Variants in HNF4G observed in about 807,000 individuals in gnomAD.
The protein encoded by HNF4G is hepatocyte nuclear factor 4 gamma.
Under a neutral mutation model 50.9 loss-of-function variants are expected in HNF4G, and 21 were observed. That is an observed-to-expected ratio of 0.41 (90% confidence interval 0.29 to 0.59). The LOEUF is 0.59. HNF4G is among the 20% of genes least tolerant of loss of function. The pLI, the probability that HNF4G is intolerant of heterozygous loss-of-function variation, is 0.26. For missense variants in HNF4G, 527 were observed against 559.4 expected, an observed-to-expected ratio of 0.94 and a Z score of 0.58; for synonymous variants, 198 against 185.6, an observed-to-expected ratio of 1.07 and a Z score of -0.54.
chr8:75,530,633 TAGA>T (rs1394897035), intron 2 of HNF4G, among the ~76,000 whole-genome samples: 3 of 152,224 alleles, frequency 2.0e-5, no homozygotes, highest in East Asian at 3.9e-4. Flanking sequence ...TTCAAAAATT[TAGA>T]AGGATTCAGT....
chr8:75,541,576 G>A (rs1248452688), intron 1 of HNF4G, among the ~76,000 whole-genome samples: 7 of 151,974 alleles, frequency 4.6e-5, no homozygotes, highest in Non-Finnish European at 1.0e-4. Flanking sequence ...ATATTAGTAA[G>A]TAGAATATAT....
At chr8:75,473,028 AGCCGG>A (rs1812153678) in intron 1 of HNF4G, among the ~76,000 whole-genome samples, 1 of 151,990 alleles carries the variant, frequency 6.6e-6, no homozygotes, top group Non-Finnish European at 1.5e-5. Context: ...TAAAAGTGTC[AGCCGG>A]GAGCAGTGGC....
Position 75,566,074 on chromosome 8 carries a change from C to T in HNF4G, c.*1978C>T, listed in dbSNP as rs1807454317. ...ATACTGCCTTGGTCTGTGCAGGCTG[C>T]TGTAATGAAATACTATGAACTTGGC... On this transcript the variant is annotated 3_prime_UTR_variant, in exon 10 of 10. Transcript: ENST00000396423. 6.6e-6 allele frequency: 1 copy of T among 151,966 alleles called. No individual in the cohort carries two copies. Among genetic ancestry groups the T allele is most frequent in the Non-Finnish European group, 1.5e-5 (1 of 68,000 alleles). The allele number at this position is 151,966 out of a possible 1,614,324, so 9.4% of individuals were successfully genotyped here.
intron 4 of HNF4G, 111 bp downstream of exon 4, chr8:75,551,605 T>A: frequency 3.2e-6 from 2 of 633,164 alleles, no homozygotes; most frequent in South Asian, 2.0e-5. Flanking sequence ...CTAAAATAAG[T>A]TACATCTACA....
Position 75,532,767 on chromosome 8 carries a change from A to G in HNF4G, c.-23-11044A>G, listed in dbSNP as rs553732100. Among the ~76,000 whole-genome samples the G allele has an allele frequency of 5.2e-4, 79 of 152,172 alleles. 1 individual carries two copies. The highest frequency in any genetic ancestry group is 1.9e-3 in the African/African-American group (77 of 41,564). On this transcript the variant is annotated intron_variant, in intron 2 of 10. Coordinates refer to the HNF4G transcript ENST00000354370. ...CCACTGAAATACCCATGACTAAACTACAGTGTAAATTATGACAGGCATTCA... is the reference window on the plus strand; with the variant it reads ...CCACTGAAATACCCATGACTAAACTGCAGTGTAAATTATGACAGGCATTCA...
rs146081377 is a variant in HNF4G at position 75,480,207 on chromosome 8, T to C, written c.-143-9882T>C. Among the ~76,000 whole-genome samples, 683 of 152,292 alleles carry C rather than the reference T, an allele frequency of 4.5e-3. 6 individuals are homozygous for C. The highest frequency in any genetic ancestry group is 0.016 in the African/African-American group (652 of 41,560). ...AAGTTTAATAAGATTAACTGGAAAGTACATAATATCTAAGGTAAAATTAAA... is the reference window on the plus strand; with the variant it reads ...AAGTTTAATAAGATTAACTGGAAAGCACATAATATCTAAGGTAAAATTAAA... On this transcript the variant is annotated intron_variant, in intron 1 of 10. Transcript: ENST00000354370.
chr8:75,447,594 C>CA (rs1261858668), intron 1 of HNF4G, among the ~76,000 whole-genome samples: 4 of 151,422 alleles, frequency 2.6e-5, no homozygotes, highest in Non-Finnish European at 1.5e-5. Flanking sequence ...AAGAAAAAAA[C>CA]AAACAACCCC....
chr8:75,554,393 A>G (rs954653190), intron 5 of HNF4G, among the ~76,000 whole-genome samples: 1 of 152,190 alleles, frequency 6.6e-6, no homozygotes, highest in Non-Finnish European at 1.5e-5. Flanking sequence ...TAATTTGCCA[A>G]CTGATTCTTT....
chr8:75,558,915 A>T lies in HNF4G; in HGVS notation c.1001A>T (p.Glu334Val), dbSNP rs141373967. 9.9e-6 allele frequency: 16 copies of T among 1,614,026 alleles called. No individual in the cohort carries two copies. Among genetic ancestry groups the T allele is most frequent in the Non-Finnish European group, 1.3e-5 (15 of 1,179,926 alleles). ...TATGACTCCCGGGGGAGGTTTGGAG[A>T]GTTGCTTCTGCTCCTGCCCACACTG... Reference protein sequence around the residue: ...RQYDSRGRFGELLLLLPTLQS... With the variant: ...RQYDSRGRFGVLLLLLPTLQS... Residue 334 changes from glutamate to valine, a missense_variant, in exon 8 of 10, where the codon GAG becomes GTG. This residue lies in a region of HNF4G where 308 missense variants were observed against 301.5 expected (regional missense o/e 1.02). Coordinates refer to ENST00000396423, the MANE Select transcript of HNF4G (RefSeq NM_004133.5).
At chr8:75,558,755 G>A (rs1807208547) in intron 7 of HNF4G, 46 bp from the exon 8 acceptor site, 2 of 1,580,110 alleles carry the variant, frequency 1.3e-6, no homozygotes, top group East Asian at 4.5e-5. Flanking sequence ...GTCTCACACT[G>A]TAATTAGGTT....
At chr8:75,432,309 G>GTTTT (rs1811033991) in intron 1 of HNF4G, among the ~76,000 whole-genome samples, 1 of 151,706 alleles carries the variant, frequency 6.6e-6, no homozygotes, top group South Asian at 2.1e-4. Flanking sequence ...AAAAGAATTT[G>GTTTT]TTTTATTTAT....
intron 1 of HNF4G, among the ~76,000 whole-genome samples, chr8:75,420,187 A>C (rs566373810): frequency 1.3e-5 from 2 of 152,238 alleles, no homozygotes; most frequent in Non-Finnish European, 1.5e-5. Flanking sequence ...TATTAACTTC[A>C]ATTGGGCCTC....
At position 75,543,834 on chromosome 8, in the gene HNF4G, A is replaced by G; in HGVS notation, c.142A>G (p.Met48Val). 1 of 1,613,052 alleles carries G rather than the reference A, an allele frequency of 6.2e-7. No individual in the cohort carries two copies. Among genetic ancestry groups the G allele is most frequent in the Non-Finnish European group, 8.5e-7 (1 of 1,179,562 alleles). Reference sequence around the variant, plus strand: ...AGATAGTTCTGCCCCAGAGACAAGTATGAATACCACAGACAACGGTGTCAA... The same window carrying G: ...AGATAGTTCTGCCCCAGAGACAAGTGTGAATACCACAGACAACGGTGTCAA... ...SSDSSAPETS[M>V]NTTDNGVNCL... Residue 48 changes from methionine to valine, a missense_variant, in exon 2 of 10, where the codon ATG becomes GTG. Transcript: ENST00000396423.
intron 1 of HNF4G, among the ~76,000 whole-genome samples, chr8:75,540,470 A>G (rs1362865269): frequency 2.0e-5 from 3 of 152,194 alleles, no homozygotes; most frequent in East Asian, 1.9e-4. Context: ...CAAAGTTTCC[A>G]TAGAACATTA....
chr8:75,565,629 T>C lies in HNF4G; in HGVS notation c.*1533T>C, dbSNP rs533467605. 4.3e-4 allele frequency: 65 copies of C among 152,220 alleles called. No individual in the cohort carries two copies. The highest frequency in any genetic ancestry group is 1.5e-3 in the African/African-American group (64 of 41,562). 9.4% of individuals were successfully genotyped at this position (152,220 alleles called of 1,614,324 possible). A position where few individuals can be genotyped will look rare whatever the true frequency, so the allele number is the denominator to read the frequency against. Reference sequence around the variant, plus strand: ...CTCTCTGGTTGAGGAGAGGGAAAATTGGAAAAACTGGTCGAGTAATTATCA... The same window carrying C: ...CTCTCTGGTTGAGGAGAGGGAAAATCGGAAAAACTGGTCGAGTAATTATCA... On this transcript the variant is annotated 3_prime_UTR_variant, in exon 10 of 10. Transcript: ENST00000396423.
intron 1 of HNF4G, among the ~76,000 whole-genome samples, chr8:75,466,690 C>G (rs1811996774): frequency 8.8e-6 from 1 of 113,328 alleles, no homozygotes; most frequent in African/African-American, 3.5e-5. Flanking sequence ...CTTCCCTTCC[C>G]TTTCTCTTCT....
Position 75,553,198 on chromosome 8 carries a change from G to A in HNF4G, c.645+1G>A. 1 of 1,608,920 alleles carries A rather than the reference G, an allele frequency of 6.2e-7. No individual in the cohort carries two copies. Among genetic ancestry groups the A allele is most frequent in the Non-Finnish European group, 8.5e-7 (1 of 1,177,160 alleles). On this transcript the variant is annotated splice_donor_variant, in intron 5 of 9. Coordinates refer to ENST00000396423, the MANE Select transcript of HNF4G (RefSeq NM_004133.5). LOFTEE classifies it high-confidence loss of function. ...CTGTGAATTACCATTGGATGATCAG[G>A]TACACATTTAAAACTTTATAAATGC...
chr8:75,517,870 C>T (rs1805934911), intron 2 of HNF4G, among the ~76,000 whole-genome samples: 1 of 152,114 alleles, frequency 6.6e-6, no homozygotes, highest in Admixed American at 6.5e-5. Context: ...TTCCACACTA[C>T]CTTAGCAGAA....
At chr8:75,461,318 C>T (rs896632536) in intron 1 of HNF4G, among the ~76,000 whole-genome samples, 15 of 152,066 alleles carry the variant, frequency 9.9e-5, no homozygotes, top group Admixed American at 6.5e-4. Context: ...TTTTTTGGCT[C>T]CATTCCTTGG....
Sources: allele counts gnomAD v4.1 joint callset (sites outside exome capture counted in the v4.1 genomes callset), GRCh38; gene constraint gnomAD v4.1.1; regional missense constraint gnomAD v4.1.1; transcripts MANE v1.5; gene names NCBI Gene and HGNC (gene_info 2026-07-23, HGNC 2026-07-21).